The following PHYH variants were observed in gnomAD, a reference collection of about 807,000 sequenced individuals.
The protein encoded by PHYH is phytanoyl-CoA 2-hydroxylase, also known as phytanoyl-CoA dioxygenase, peroxisomal.
A neutral mutation model predicts 38.5 loss-of-function variants in PHYH; 32 were observed. The observed-to-expected ratio is 0.83, with a 90% CI of 0.63 to 1.12. PHYH has a LOEUF of 1.12. Ranked by LOEUF, PHYH falls within the 50% of genes most tolerant of loss-of-function variation. PHYH has a pLI of 0.00. For missense variants in PHYH, 426 were observed against 434.8 expected, an observed-to-expected ratio of 0.98 and a Z score of 0.18; for synonymous variants, 166 against 157.9, an observed-to-expected ratio of 1.05 and a Z score of -0.38.
intron 1 of PHYH, among the ~76,000 whole-genome samples, chr10:13,298,943 TAATAATAATAATAATAATAATAAC>T (rs1242042431): frequency 2.8e-5 from 4 of 144,280 alleles, no homozygotes; most frequent in South Asian, 2.2e-4. Flanking sequence ...ATAATAATAA[TAATAATAATAATAATAATAATAAC>T]AACAATAACA....
At chr10:13,288,049 G>A (rs1308198126) in intron 6 of PHYH, among the ~76,000 whole-genome samples, 10 of 152,166 alleles carry the variant, frequency 6.6e-5, no homozygotes, top group Non-Finnish European at 1.3e-4. Context: ...GCGTGGTGGT[G>A]CACACCCGTA....
intron 5 of PHYH, among the ~76,000 whole-genome samples, chr10:13,289,892 T>C (rs1835660062): frequency 7.2e-6 from 1 of 138,030 alleles, no homozygotes; most frequent in Admixed American, 7.8e-5. Context: ...TGAGTCAAGA[T>C]CGCACCACTG....
At chr10:13,293,672 G>T (rs1835767849) in intron 4 of PHYH, among the ~76,000 whole-genome samples, 1 of 151,666 alleles carries the variant, frequency 6.6e-6, no homozygotes, top group Non-Finnish European at 1.5e-5. Context: ...TCACTATGTT[G>T]CCAGACTGGT....
intron 2 of PHYH, among the ~76,000 whole-genome samples, chr10:13,296,478 C>T (rs1363118485): frequency 6.7e-6 from 1 of 148,874 alleles, no homozygotes. Context: ...AGGAGAATCG[C>T]TAGAACCTGT....
chr10:13,288,579 C>T (rs961227556), intron 5 of PHYH, 38 bp from the exon 6 acceptor site: 17 of 1,600,654 alleles, frequency 1.1e-5, no homozygotes, highest in African/African-American at 2.7e-5. Context: ...TACTCGAGGC[C>T]GAGTGCAGTG....
Position 13,294,308 on chromosome 10 carries a change from A to C in PHYH, c.414+120T>G, listed in dbSNP as rs1447703470. On this transcript the variant is annotated intron_variant, in intron 4 of 8. Coordinates refer to ENST00000263038, the MANE Select transcript of PHYH (RefSeq NM_006214.4). Reference sequence around the variant, plus strand: ...TGGGATCAAGCGATCCACCTGCCTCAGCCTCCCACAGTGCTCGGATTACAG... The same window carrying C: ...TGGGATCAAGCGATCCACCTGCCTCCGCCTCCCACAGTGCTCGGATTACAG... 12 of 866,932 alleles carry C rather than the reference A, an allele frequency of 1.4e-5. No homozygotes were observed. The East Asian group carries it at 2.0e-4, about 14-fold the overall frequency. The allele number at this position is 866,932 out of a possible 1,614,324, so 53.7% of individuals were successfully genotyped here.
At chr10:13,287,785 A>G (rs1455251863) in intron 6 of PHYH, among the ~76,000 whole-genome samples, 1 of 152,184 alleles carries the variant, frequency 6.6e-6, no homozygotes, top group East Asian at 1.9e-4. Context: ...TACCACACAC[A>G]TCTGGGGTCG....
At position 13,292,852 on chromosome 10, in the gene PHYH, G is replaced by C. The variant is rs1835745833; in HGVS notation, c.415-940C>G. Among the ~76,000 whole-genome samples the C allele has an allele frequency of 2.0e-5, 3 of 149,148 alleles. No individual in the cohort carries two copies. The East Asian group carries it at 6.0e-4, about 30-fold the overall frequency. ...GGAAGCTGAGGCAGGAGAATCACTT[G>C]AACCCAGGAGGCAGAGGTTGCAGTG... On this transcript the variant is annotated intron_variant, in intron 4 of 8. Coordinates refer to ENST00000263038, the MANE Select transcript of PHYH (RefSeq NM_006214.4).
chr10:13,282,743 T>C (rs1043074702), intron 7 of PHYH, among the ~76,000 whole-genome samples: 3 of 152,226 alleles, frequency 2.0e-5, no homozygotes, highest in Non-Finnish European at 4.4e-5. Flanking sequence ...ATTTAAACTT[T>C]TGGCATTGTG....
intron 4 of PHYH, among the ~76,000 whole-genome samples, chr10:13,292,526 G>A (rs1835737129): frequency 6.6e-6 from 1 of 152,170 alleles, no homozygotes; most frequent in South Asian, 2.1e-4. Context: ...TGAAGAAAAG[G>A]CTAACATGGG....
chr10:13,290,789 C>T (rs1272026834), intron 5 of PHYH, among the ~76,000 whole-genome samples: 1 of 152,028 alleles, frequency 6.6e-6, no homozygotes, highest in Non-Finnish European at 1.5e-5. Flanking sequence ...TTTTAGCAAG[C>T]ACAAGACATT....
At chr10:13,294,053 T>A (rs1282642029) in intron 4 of PHYH, among the ~76,000 whole-genome samples, 2 of 151,784 alleles carry the variant, frequency 1.3e-5, no homozygotes, top group African/African-American at 4.8e-5. Context: ...AATACAAAAA[T>A]TAGCCAGGTG....
chr10:13,278,744 G>A (rs909471051), intron 8 of PHYH, among the ~76,000 whole-genome samples: 3 of 152,112 alleles, frequency 2.0e-5, no homozygotes, highest in Non-Finnish European at 4.4e-5. Context: ...TGGCCAGACT[G>A]ATCTCAAACT....
chr10:13,298,712 T>TACC (rs754901177), intron 1 of PHYH, among the ~76,000 whole-genome samples: 1 of 137,140 alleles, frequency 7.3e-6, no homozygotes, highest in African/African-American at 2.7e-5. Flanking sequence ...GAAAAAAAAC[T>TACC]ACCACCACTA....
intron 7 of PHYH, among the ~76,000 whole-genome samples, chr10:13,282,814 T>C (rs1835445739): frequency 6.6e-6 from 1 of 152,126 alleles, no homozygotes; most frequent in African/African-American, 2.4e-5. Flanking sequence ...CGCATTAAAA[T>C]GTTACTAAAC....
intron 2 of PHYH, among the ~76,000 whole-genome samples, chr10:13,297,054 T>C (rs951002681): frequency 3.2e-4 from 49 of 151,892 alleles, no homozygotes; most frequent in Non-Finnish European, 7.4e-5. Context: ...ACCAAGACAC[T>C]ATATGAAAAA....
intron 6 of PHYH, among the ~76,000 whole-genome samples, chr10:13,287,313 T>C (rs1835576939): frequency 6.6e-6 from 1 of 151,938 alleles, no homozygotes; most frequent in Non-Finnish European, 1.5e-5. Flanking sequence ...CACTCTAGCC[T>C]GGTGACAGAG....
At chr10:13,299,824 C>A in intron 1 of PHYH, 144 bp downstream of exon 1, 3 of 1,322,586 alleles carry the variant, frequency 2.3e-6, no homozygotes, top group Non-Finnish European at 2.9e-6. Flanking sequence ...GAGACGCGAC[C>A]CAGGCGGGGA....
In PHYH at chr10:13,280,839, G is replaced by T. The variant is rs1011153000; in HGVS notation, c.963+137C>A. On this transcript the variant is annotated intron_variant, in intron 8 of 8. Coordinates refer to ENST00000263038, the MANE Select transcript of PHYH (RefSeq NM_006214.4). Reference sequence around the variant, plus strand: ...GGAAATTCCATTGTCATTTTTGGTGGGGGCTCAGCGATGTCCCTAAAATGA... The same window carrying T: ...GGAAATTCCATTGTCATTTTTGGTGTGGGCTCAGCGATGTCCCTAAAATGA... 3.7e-6 allele frequency: 3 copies of T among 819,392 alleles called. No homozygotes were observed. The African/African-American group carries it at 5.1e-5, about 14-fold the overall frequency. The allele number at this position is 819,392 out of a possible 1,614,324, so 50.8% of individuals were successfully genotyped here. A position where few individuals can be genotyped will look rare whatever the true frequency, so the allele number is the denominator to read the frequency against.
Sources: gnomAD v4.1 joint callset for allele counts (sites outside exome capture counted in the v4.1 genomes callset) on GRCh38, gnomAD v4.1.1 for gene constraint, MANE v1.5 for transcripts, NCBI Gene and HGNC (gene_info 2026-07-23, HGNC 2026-07-21) for gene names.